KCNH3: variants seen among roughly 807,000 people sequenced by gnomAD.
KCNH3 encodes voltage-gated inwardly rectifying potassium channel KCNH3.
A neutral mutation model predicts 95.6 loss-of-function variants in KCNH3; 36 were observed. The observed-to-expected ratio is 0.38, with a 90% CI of 0.29 to 0.50. The LOEUF is 0.50. Ranked by LOEUF, KCNH3 falls within the 20% of genes least tolerant of loss-of-function variation. KCNH3 has a pLI of 0.95. For synonymous variants in KCNH3, 620 were observed against 646.3 expected, an observed-to-expected ratio of 0.96 and a Z score of 0.62; for missense variants, 1,030 against 1,484.1, an observed-to-expected ratio of 0.69 and a Z score of 5.03.
chr12:49,557,603 C>G lies in KCNH3; in HGVS notation c.2902C>G (p.Pro968Ala), dbSNP rs746268428. Residue 968 changes from proline (P) to alanine (A), a missense_variant, in exon 15 of 15, where the codon CCT (proline) becomes GCT (alanine). Physicochemically the swap from Pro to Ala is conservative, Grantham distance 27 (BLOSUM62 -1). Coordinates refer to ENST00000257981, the MANE Select transcript of KCNH3 (RefSeq NM_012284.3). ...SGTWPHPRPG[P>A]PPLMAPWPWG... ...GACTTGGCCCCACCCTCGTCCGGGG[C>G]CTCCTCCCCTCATGGCACCCTGGCC... 6.2e-7 allele frequency: 1 copy of G among 1,613,368 alleles called. No homozygotes were observed. Among genetic ancestry groups the G allele is most frequent in the Non-Finnish European group, 8.5e-7 (1 of 1,179,944 alleles).
chr12:49,541,220 T>C, intron 2 of KCNH3, 88 bp downstream of exon 2: 1 of 973,318 alleles, frequency 1.0e-6, no homozygotes, highest in South Asian at 1.5e-5. Context: ...CTCCTTTCTG[T>C]TGCCATCTTC....
chr12:49,557,362 G>C lies in KCNH3; in HGVS notation c.2661G>C (p.Glu887Asp). ...TLDKLRQAVT[E>D]LSEQVLQMRE... ...TCCTCCCTCCCCCAAAGGTGACAGA[G>C]CTGTCAGAGCAGGTGCTGCAGATGC... Residue 887 changes from glutamate to aspartate, a missense_variant, in exon 15 of 15, where the codon GAG becomes GAC. Glu to Asp is a conservative substitution (Grantham distance 45). Transcript: ENST00000257981. The C allele has an allele frequency of 6.2e-7, 1 of 1,606,006 alleles. No homozygotes were observed. Among genetic ancestry groups the C allele is most frequent in the Non-Finnish European group, 8.5e-7 (1 of 1,174,280 alleles).
intron 10 of KCNH3, among the ~76,000 whole-genome samples, chr12:49,551,407 A>G (rs1398490369): frequency 6.6e-6 from 1 of 151,808 alleles, no homozygotes. Context: ...GAAATCCTGT[A>G]TCTACTAAAA....
At chr12:49,556,261 T>C (rs1477613223) in intron 12 of KCNH3, 109 bp from the exon 13 acceptor site, 6 of 823,486 alleles carry the variant, frequency 7.3e-6, no homozygotes, top group African/African-American at 6.7e-5. Flanking sequence ...TCCTGGTCAG[T>C]TCCACGCTCC....
At chr12:49,550,593 T>C (rs1440855289) in intron 10 of KCNH3, among the ~76,000 whole-genome samples, 3 of 152,080 alleles carry the variant, frequency 2.0e-5, no homozygotes, top group African/African-American at 7.2e-5. Flanking sequence ...GGAGCCAGTC[T>C]ATGGGGGACA....
intron 3 of KCNH3, 116 bp downstream of exon 3, chr12:49,541,880 C>G (rs1351766960): frequency 5.4e-6 from 6 of 1,104,306 alleles, no homozygotes; most frequent in Non-Finnish European, 7.9e-6. Context: ...TTCACTCCCA[C>G]TCAGGCTGCC....
intron 2 of KCNH3, among the ~76,000 whole-genome samples, chr12:49,541,389 C>A (rs535920344): frequency 6.6e-6 from 1 of 152,304 alleles, no homozygotes; most frequent in Admixed American, 6.5e-5. Flanking sequence ...AGAAAAACAT[C>A]CGCATTTCGG....
intron 10 of KCNH3, among the ~76,000 whole-genome samples, chr12:49,550,631 A>C (rs1938228256): frequency 6.6e-6 from 1 of 152,180 alleles, no homozygotes; most frequent in Non-Finnish European, 1.5e-5. Context: ...CTTCAGGAGG[A>C]AAATCAGAAG....
At chr12:49,542,249 T>A (rs1003711039) in intron 3 of KCNH3, among the ~76,000 whole-genome samples, 5 of 152,300 alleles carry the variant, frequency 3.3e-5, no homozygotes, top group Admixed American at 2.6e-4. Flanking sequence ...GGGGGTACTC[T>A]CCACTCCCAC....
At chr12:49,545,593 A>G (rs189216370) in intron 7 of KCNH3, among the ~76,000 whole-genome samples, 134 of 151,968 alleles carry the variant, frequency 8.8e-4, no homozygotes, top group Admixed American at 8.3e-3. Flanking sequence ...GGGTTTTACC[A>G]TGTTAGCCAG....
In KCNH3 at chr12:49,549,650, C is replaced by CCG; in HGVS notation, c.1668+11_1668+12dup. 1 of 1,604,520 alleles carries CCG rather than the reference C, an allele frequency of 6.2e-7. No homozygotes were observed. The highest frequency in any genetic ancestry group is 8.5e-7 in the Non-Finnish European group (1 of 1,178,924). On this transcript the variant is annotated intron_variant, in intron 9 of 14. Transcript: ENST00000257981. ...CATCGACACCACCGAGGTGCGGCCTCCGGGGCTGGGCCTGCTAGCCTTTGC... is the reference window on the plus strand; with the variant it reads ...CATCGACACCACCGAGGTGCGGCCTCCGCGGGGCTGGGCCTGCTAGCCTTTGC...
At chr12:49,544,141 T>TGCCAAG in intron 6 of KCNH3, 34 bp from the exon 7 acceptor site, 4 of 1,413,362 alleles carry the variant, frequency 2.8e-6, no homozygotes, top group Non-Finnish European at 3.9e-6. Flanking sequence ...CCCGCTGACC[T>TGCCAAG]CCCTCCCTCC....
Position 49,556,729 on chromosome 12 carries a change from T to C in KCNH3, c.2575+253T>C, listed in dbSNP as rs755222844. 5.8e-6 allele frequency: 4 copies of C among 687,618 alleles called. No homozygotes were observed. The South Asian group carries it at 6.0e-5, about 10-fold the overall frequency. The allele number at this position is 687,618 out of a possible 1,614,324, so 42.6% of individuals were successfully genotyped here. On this transcript the variant is annotated intron_variant, in intron 13 of 14. Transcript: ENST00000257981. ...AGCTTTCTAGCAGTGTGAATTTGGC[T>C]TCTCTGGCCCCAGCTTCCTGTCTGT...
chr12:49,550,668 G>A (rs1938229141), intron 10 of KCNH3, among the ~76,000 whole-genome samples: 1 of 152,158 alleles, frequency 6.6e-6, no homozygotes, highest in Non-Finnish European at 1.5e-5. Context: ...TGGGGAGAGT[G>A]TCAGGCAGGG....
chr12:49,550,047 A>AC, intron 9 of KCNH3, 33 bp from the exon 10 acceptor site: 15 of 539,750 alleles, frequency 2.8e-5, no homozygotes, highest in East Asian at 4.9e-5. Context: ...TGCCACTCCC[A>AC]ACCCCCCCAC....
In KCNH3 at chr12:49,558,277, A is replaced by T. The variant is rs1938556233; in HGVS notation, c.*324A>T. 5 of 211,970 alleles carry T rather than the reference A, an allele frequency of 2.4e-5. No individual in the cohort carries two copies. The highest frequency in any genetic ancestry group is 1.9e-4 in the South Asian group (1 of 5,402). 13.1% of individuals were successfully genotyped at this position (211,970 alleles called of 1,614,324 possible). A position where few individuals can be genotyped will look rare whatever the true frequency, so the allele number is the denominator to read the frequency against. On this transcript the variant is annotated 3_prime_UTR_variant, in exon 15 of 15. Coordinates refer to ENST00000257981, the MANE Select transcript of KCNH3 (RefSeq NM_012284.3). ...CTACCTGTCCCCAAATTTTTATATT[A>T]AAAAAAAAAAATAAAATAAACTACT...
rs149910570 is a variant in KCNH3 at position 49,542,776 on chromosome 12, C to G, written c.516C>G (p.Ala172=). The change falls in exon 4 of 15, where the codon GCC becomes GCG. Residue 172 remains alanine (A), a synonymous_variant. Transcript: ENST00000257981. ...ATGCCAACCGGCGGCGGAGCCGGGC[C>G]GTGCTCTACCACCTGTCCGGGCACC... ...GFNANRRRSR[A]VLYHLSGHLQ... The G allele has an allele frequency of 1.1e-5, 18 of 1,597,112 alleles. No individual in the cohort carries two copies. The highest frequency in any genetic ancestry group is 1.4e-5 in the Non-Finnish European group (17 of 1,173,312).
chr12:49,558,070 G>C lies in KCNH3; in HGVS notation c.*117G>C. On this transcript the variant is annotated 3_prime_UTR_variant, in exon 15 of 15. Transcript: ENST00000257981. The stretch of plus-strand genomic sequence containing the variant: ...GGACTCCATGCGGCCCGCTGGCTCA[G>C]GGCAGGGAGCCTGGAAGCAAAGGAG... 19 of 1,218,184 alleles carry C rather than the reference G, an allele frequency of 1.6e-5. No homozygotes were observed. The highest frequency in any genetic ancestry group is 1.8e-5 in the Non-Finnish European group (17 of 922,756). 75.5% of individuals were successfully genotyped at this position (1,218,184 alleles called of 1,614,324 possible).
rs1937773898 is a variant in KCNH3, at chr12:49,539,039, C to T, written c.-378C>T. The T allele has an allele frequency of 6.6e-6, 1 of 152,244 alleles. No individual in the cohort carries two copies. The highest frequency in any genetic ancestry group is 1.5e-5 in the Non-Finnish European group (1 of 68,100). The allele number at this position is 152,244 out of a possible 1,614,324, so 9.4% of individuals were successfully genotyped here. ...CGGGAGGGAGGGAGGGAGGCTGCAG[C>T]TTCTCCCCGACAGACGGAGGGAGCT... On this transcript the variant is annotated 5_prime_UTR_variant, in exon 1 of 15. Transcript: ENST00000257981. The surrounding 1 kb of genome is among the most constrained non-coding windows in gnomAD (Gnocchi z 6.7).
Sources: gnomAD v4.1 joint callset for allele counts (sites outside exome capture counted in the v4.1 genomes callset) on GRCh38, gnomAD v4.1.1 for gene constraint, Gnocchi (gnomAD v3.1) non-coding constraint, MANE v1.5 for transcripts, NCBI Gene and HGNC (gene_info 2026-07-23, HGNC 2026-07-21) for gene names.